BICD1: variants seen among roughly 807,000 people sequenced by gnomAD.
BICD1 encodes the protein BICD cargo adaptor 1, also known as protein bicaudal D homolog 1.
Under a neutral mutation model 92.5 loss-of-function variants are expected in BICD1, and 35 were observed. The ratio of observed to expected loss-of-function variants is 0.38; its 90% CI spans 0.29 to 0.50. BICD1 has a LOEUF of 0.50. BICD1 is among the 20% of genes least tolerant of loss of function. BICD1 has a pLI of 0.93. For missense variants in BICD1, 950 were observed against 1,189.8 expected (o/e 0.80, Z 2.97); for synonymous variants, 429 against 465.1 (o/e 0.92, Z 1.00).
chr12:32,346,573 T>C (rs1323193109), intron 8 of BICD1, among the ~76,000 whole-genome samples: 1 of 42,616 alleles, frequency 2.3e-5, no homozygotes, highest in Non-Finnish European at 3.6e-5. Flanking sequence ...TATATATATA[T>C]ATATATATAC....
At chr12:32,195,625 T>G (rs1305688293) in intron 1 of BICD1, among the ~76,000 whole-genome samples, 1 of 152,154 alleles carries the variant, frequency 6.6e-6, no homozygotes, top group African/African-American at 2.4e-5. Flanking sequence ...ATACAACAAT[T>G]CAAGTGAATT....
chr12:32,142,073 A>G (rs960407724), intron 1 of BICD1, among the ~76,000 whole-genome samples: 1 of 152,094 alleles, frequency 6.6e-6, no homozygotes, highest in Admixed American at 6.5e-5. Context: ...GAGGGAAAAG[A>G]GGGATTGACT....
intron 2 of BICD1, among the ~76,000 whole-genome samples, chr12:32,232,779 A>G (rs984181647): frequency 6.6e-6 from 1 of 152,118 alleles, no homozygotes; most frequent in Admixed American, 6.5e-5. Context: ...GGTGTAAGGA[A>G]GGGATCCAGT....
At chr12:32,142,405 TAAA>T (rs1162662533) in intron 1 of BICD1, among the ~76,000 whole-genome samples, 22,276 of 62,680 alleles carry the variant, frequency 0.36, 1,624 homozygotes, top group Admixed American at 0.43. Context: ...AGACTCTGTC[TAAA>T]AAAAAAAAAA....
chr12:32,123,124 A>G (rs913201578), intron 1 of BICD1, among the ~76,000 whole-genome samples: 1 of 152,122 alleles, frequency 6.6e-6, no homozygotes, highest in Non-Finnish European at 1.5e-5. Context: ...GGGGGAAAAA[A>G]CCCTGGGAAT....
intron 8 of BICD1, 46 bp from the exon 9 acceptor site, chr12:32,367,624 T>C (rs1244155550): frequency 1.9e-6 from 3 of 1,567,282 alleles, no homozygotes; most frequent in Non-Finnish European, 2.6e-6. Context: ...AACACCTTGC[T>C]CTGTCATCTC....
intron 2 of BICD1, among the ~76,000 whole-genome samples, chr12:32,216,692 G>A (rs895739052): frequency 6.6e-6 from 1 of 151,990 alleles, no homozygotes; most frequent in South Asian, 2.1e-4. Context: ...TATGTATTGC[G>A]GACTTCGGAA....
chr12:32,311,082 G>C (rs1426198172), intron 4 of BICD1, among the ~76,000 whole-genome samples: 2 of 152,208 alleles, frequency 1.3e-5, no homozygotes, highest in Non-Finnish European at 2.9e-5. Flanking sequence ...AGCCAAGTAT[G>C]AGTGACCATG....
chr12:32,361,328 G>A (rs1310699278), intron 8 of BICD1, among the ~76,000 whole-genome samples: 2 of 152,074 alleles, frequency 1.3e-5, no homozygotes, highest in African/African-American at 4.8e-5. Flanking sequence ...GGCCGGGGCG[G>A]GTAGATCATT....
chr12:32,300,560 G>T (rs1948009314), intron 3 of BICD1, among the ~76,000 whole-genome samples: 1 of 151,450 alleles, frequency 6.6e-6, no homozygotes, highest in Admixed American at 6.6e-5. Flanking sequence ...ACTAGGAAAG[G>T]TTGGCAAGAG....
intron 2 of BICD1, among the ~76,000 whole-genome samples, chr12:32,252,196 AT>A (rs61123768): frequency 1.1e-5 from 1 of 87,124 alleles, no homozygotes; most frequent in African/African-American, 4.4e-5. Context: ...TATACTATAT[AT>A]TTTATATATA....
chr12:32,226,563 G>A (rs1945702371), intron 2 of BICD1, among the ~76,000 whole-genome samples: 1 of 152,172 alleles, frequency 6.6e-6, no homozygotes, highest in South Asian at 2.1e-4. Flanking sequence ...CATCCAGGGA[G>A]CATATCACCA....
At chr12:32,247,238 A>G (rs564999881) in intron 2 of BICD1, among the ~76,000 whole-genome samples, 2 of 62,716 alleles carry the variant, frequency 3.2e-5, no homozygotes, top group Admixed American at 2.2e-4. Flanking sequence ...CCCTGTATCA[A>G]AAAAAAAAAA....
At chr12:32,189,457 T>C (rs908559408) in intron 1 of BICD1, among the ~76,000 whole-genome samples, 1 of 152,014 alleles carries the variant, frequency 6.6e-6, no homozygotes, top group Non-Finnish European at 1.5e-5. Context: ...AGAAATGGGG[T>C]GAGGCATGAG....
chr12:32,162,747 C>A (rs1943636693), intron 1 of BICD1, among the ~76,000 whole-genome samples: 1 of 152,074 alleles, frequency 6.6e-6, no homozygotes, highest in African/African-American at 2.4e-5. Flanking sequence ...TTTTGGCAGA[C>A]CGAGGCAGGA....
At chr12:32,139,414 TA>T (rs1442895199) in intron 1 of BICD1, among the ~76,000 whole-genome samples, 2 of 152,184 alleles carry the variant, frequency 1.3e-5, no homozygotes, top group South Asian at 4.1e-4. Flanking sequence ...GCCCTAAAAT[TA>T]AATCAGAGTT....
chr12:32,357,012 CT>C (rs35643247), intron 8 of BICD1, among the ~76,000 whole-genome samples: 252 of 129,494 alleles, frequency 1.9e-3, no homozygotes, highest in Middle Eastern at 7.8e-3. Context: ...GATTCTCCTG[CT>C]TTTTTTTTTT....
At chr12:32,367,806 C>A (rs1177035781) in intron 9 of BICD1, 61 bp downstream of exon 9, 1 of 1,469,534 alleles carries the variant, frequency 6.8e-7, no homozygotes, top group African/African-American at 1.4e-5. Flanking sequence ...GACCCCAGCT[C>A]CCCTTTCCGA....
chr12:32,204,391 A>G (rs2121549636), intron 1 of BICD1, among the ~76,000 whole-genome samples: 1 of 151,902 alleles, frequency 6.6e-6, no homozygotes, highest in South Asian at 2.1e-4. Context: ...TAAAAATGTG[A>G]AACTACTTAA....
Sources: gnomAD v4.1 joint callset for allele counts (sites outside exome capture counted in the v4.1 genomes callset) on GRCh38, gnomAD v4.1.1 for gene constraint, MANE v1.5 for transcripts, NCBI Gene and HGNC (gene_info 2026-07-23, HGNC 2026-07-21) for gene names.